KANSL1L: variants seen among roughly 807,000 people sequenced by gnomAD.
The protein encoded by KANSL1L is KAT8 regulatory NSL complex subunit 1-like protein.
A neutral mutation model predicts 108.6 loss-of-function variants in KANSL1L; 25 were observed. The ratio of observed to expected loss-of-function variants is 0.23; its 90% CI spans 0.17 to 0.32. The LOEUF (loss-of-function observed/expected upper bound fraction) is 0.32. KANSL1L is among the 10% of genes least tolerant of loss of function. The probability of loss-of-function intolerance (pLI) is 1.00; values close to 1 mark genes in which losing one functional copy is unlikely to be tolerated. For synonymous variants in KANSL1L, 405 were observed against 395.1 expected (o/e 1.03, Z -0.30); for missense variants, 1,137 against 1,125.7 (o/e 1.01, Z -0.14).
At chr2:210,123,985 A>C (rs561916132) in intron 3 of KANSL1L, among the ~76,000 whole-genome samples, 1 of 152,306 alleles carries the variant, frequency 6.6e-6, no homozygotes, top group South Asian at 2.1e-4. Context: ...ACATCTAATA[A>C]GAGACAATTA....
At chr2:210,066,039 T>TTACAGCCCC in intron 6 of KANSL1L, among the ~76,000 whole-genome samples, 1 of 152,346 alleles carries the variant, frequency 6.6e-6, no homozygotes, top group East Asian at 1.9e-4. Flanking sequence ...TAGTTTTCAA[T>TTACAGCCCC]TACAGCCCCA....
chr2:210,073,546 A>G (rs1312657376), intron 6 of KANSL1L, among the ~76,000 whole-genome samples: 2 of 151,482 alleles, frequency 1.3e-5, no homozygotes, highest in Non-Finnish European at 2.9e-5. Context: ...ATGGAAAAGA[A>G]AAAAAAAACT....
At position 210,104,103 on chromosome 2, in the gene KANSL1L, C is replaced by T; in HGVS notation, c.1428+1G>A. ...CACTGATATCCTTACTTTGACTTTA[C>T]CTGTTTTTCGATGTTTCGAAGAAGT... is the stretch of plus-strand genomic sequence containing the variant. On this transcript the variant is annotated splice_donor_variant, in intron 4 of 14. Coordinates refer to ENST00000281772, the MANE Select transcript of KANSL1L (RefSeq NM_152519.4). LOFTEE classifies it high-confidence loss of function. The T allele has an allele frequency of 6.2e-7, 1 of 1,610,268 alleles. No individual in the cohort carries two copies. The highest frequency in any genetic ancestry group is 8.5e-7 in the Non-Finnish European group (1 of 1,176,646).
At chr2:210,054,048 G>T (rs150710450) in intron 6 of KANSL1L, among the ~76,000 whole-genome samples, 1,643 of 152,188 alleles carry the variant, frequency 0.011, 26 homozygotes, top group African/African-American at 0.035. Context: ...CGGGCATGGT[G>T]GCTCACACCT....
chr2:210,071,869 CCT>C (rs2094510191), intron 6 of KANSL1L, among the ~76,000 whole-genome samples: 1 of 152,076 alleles, frequency 6.6e-6, no homozygotes, highest in Non-Finnish European at 1.5e-5. Flanking sequence ...ATTTCACTCC[CCT>C]CTCTTTTTGG....
chr2:210,038,514 G>C (rs879798765), intron 8 of KANSL1L, among the ~76,000 whole-genome samples: 10 of 151,912 alleles, frequency 6.6e-5, no homozygotes, highest in Non-Finnish European at 1.3e-4. Context: ...GTAAATATTT[G>C]CATAGTGTCT....
chr2:210,084,446 T>C (rs2094618296), intron 5 of KANSL1L, among the ~76,000 whole-genome samples: 1 of 152,034 alleles, frequency 6.6e-6, no homozygotes, highest in African/African-American at 2.4e-5. Context: ...AAGATCCATC[T>C]TACTGTAGGT....
intron 1 of KANSL1L, among the ~76,000 whole-genome samples, chr2:210,158,712 A>C (rs1198216711): frequency 2.6e-5 from 4 of 152,096 alleles, no homozygotes; most frequent in Non-Finnish European, 5.9e-5. Flanking sequence ...AAAAAAAAAA[A>C]AAAACCTAGC....
At position 210,043,948 on chromosome 2, in the gene KANSL1L, A is replaced by G. The variant is rs1484777358; in HGVS notation, c.1912T>C (p.Leu638=). The stretch of plus-strand genomic sequence containing the variant: ...TTACAAGGAGGCTTACCTGATGGCA[A>G]TGATAGAACAGAATGGAAAGAGGAA... ...LDSSFHSVLS[L]PSDVPLHFHF... Residue 638 remains leucine (L), a synonymous_variant, in exon 7 of 15, where the codon TTG becomes CTG. Coordinates refer to ENST00000281772, the MANE Select transcript of KANSL1L (RefSeq NM_152519.4). 6.3e-7 allele frequency: 1 copy of G among 1,586,404 alleles called. No homozygotes were observed. Among genetic ancestry groups the G allele is most frequent in the African/African-American group, 1.4e-5 (1 of 73,572 alleles).
At position 210,022,872 on chromosome 2, in the gene KANSL1L, G is replaced by T. The variant is rs2093879481; in HGVS notation, c.*77C>A. 4.3e-6 allele frequency: 4 copies of T among 929,218 alleles called. No homozygotes were observed. The highest frequency in any genetic ancestry group is 2.9e-5 in the South Asian group (2 of 69,382). 57.6% of individuals were successfully genotyped at this position (929,218 alleles called of 1,614,324 possible). ...GCAGAACATGCTCTTATTCTGGAGGGGATGGGGGATCCAGAACAGGGCTTT... is the reference window on the plus strand; with the variant it reads ...GCAGAACATGCTCTTATTCTGGAGGTGATGGGGGATCCAGAACAGGGCTTT... On this transcript the variant is annotated 3_prime_UTR_variant, in exon 15 of 15. Transcript: ENST00000281772.
chr2:210,024,027 A>G lies in KANSL1L; in HGVS notation c.2733+6T>C, dbSNP rs1344403218. The G allele has an allele frequency of 6.4e-6, 10 of 1,552,796 alleles. No homozygotes were observed. The highest frequency in any genetic ancestry group is 8.7e-6 in the Non-Finnish European group (10 of 1,147,664). On this transcript the variant is annotated splice_donor_region_variant and intron_variant, in intron 14 of 14. Coordinates refer to ENST00000281772, the MANE Select transcript of KANSL1L (RefSeq NM_152519.4). Reference sequence around the variant, plus strand: ...TGGGAAGTTTAATCATACATATTACACTTACCTTGGTTTCTTGACTTTGAT... The same window carrying G: ...TGGGAAGTTTAATCATACATATTACGCTTACCTTGGTTTCTTGACTTTGAT...
chr2:210,125,127 G>A (rs1470438123), intron 3 of KANSL1L, among the ~76,000 whole-genome samples: 1 of 152,066 alleles, frequency 6.6e-6, no homozygotes, highest in African/African-American at 2.4e-5. Flanking sequence ...GGTGGCGGGT[G>A]CCTGTAATCC....
intron 13 of KANSL1L, 94 bp from the exon 14 acceptor site, chr2:210,024,295 T>C: frequency 1.1e-6 from 1 of 949,456 alleles, no homozygotes; most frequent in East Asian, 2.9e-5. Context: ...TCAAGTTAAC[T>C]TGGTAACTTT....
chr2:210,069,161 C>T (rs542910151), intron 6 of KANSL1L, among the ~76,000 whole-genome samples: 65 of 152,150 alleles, frequency 4.3e-4, no homozygotes, highest in Non-Finnish European at 7.1e-4. Context: ...GTTCTATTTT[C>T]CACCTCACAG....
chr2:210,030,760 T>C lies in KANSL1L; in HGVS notation c.2155+661A>G, dbSNP rs573302988. On this transcript the variant is annotated intron_variant, in intron 9 of 14. Transcript: ENST00000281772. ...TGGCCATTGTCTCCTAGGTTTCTTA[T>C]AGTCTAGAATAAATCATTTTTCATT... The C allele has an allele frequency of 1.9e-4, 29 of 152,168 alleles. No homozygotes were observed. The South Asian group carries it at 5.6e-3, about 29-fold the overall frequency. 9.4% of individuals were successfully genotyped at this position (152,168 alleles called of 1,614,324 possible).
At chr2:210,151,031 T>G (rs920512736) in intron 2 of KANSL1L, among the ~76,000 whole-genome samples, 1 of 152,112 alleles carries the variant, frequency 6.6e-6, no homozygotes, top group Non-Finnish European at 1.5e-5. Flanking sequence ...TCTTCCTTTT[T>G]TTGATATGAG....
intron 8 of KANSL1L, among the ~76,000 whole-genome samples, chr2:210,033,128 A>G (rs1355805048): frequency 6.6e-6 from 1 of 152,206 alleles, no homozygotes; most frequent in East Asian, 1.9e-4. Context: ...GAGACTAGAA[A>G]GAGTGAAAAG....
At position 210,093,691 on chromosome 2, in the gene KANSL1L, A is replaced by T. The variant is rs1187525570; in HGVS notation, c.1550+4395T>A. Reference sequence around the variant, plus strand: ...CTAATTTTTGAAATAAACAAAATTTAAAAATAGAATTATCACATAATCCAG... The same window carrying T: ...CTAATTTTTGAAATAAACAAAATTTTAAAATAGAATTATCACATAATCCAG... On this transcript the variant is annotated intron_variant, in intron 5 of 14. Transcript: ENST00000281772. Among the ~76,000 whole-genome samples, 3 of 152,220 alleles carry T rather than the reference A, an allele frequency of 2.0e-5. No homozygotes were observed. The South Asian group carries it at 6.2e-4, about 31-fold the overall frequency.
intron 2 of KANSL1L, among the ~76,000 whole-genome samples, chr2:210,136,978 C>G (rs1055952993): frequency 6.6e-6 from 1 of 152,074 alleles, no homozygotes; most frequent in Non-Finnish European, 1.5e-5. Context: ...ACTTTTAAAT[C>G]TGAGCCCTAA....
Sources: gnomAD v4.1 joint callset for allele counts (sites outside exome capture counted in the v4.1 genomes callset) on GRCh38, gnomAD v4.1.1 for gene constraint, MANE v1.5 for transcripts, NCBI Gene and HGNC (gene_info 2026-07-23, HGNC 2026-07-21) for gene names.